CCSER1: variants seen among roughly 807,000 people sequenced by gnomAD.
The protein encoded by CCSER1 is coiled-coil serine rich protein 1.
A neutral mutation model predicts 82.0 loss-of-function variants in CCSER1; 41 were observed. The ratio of observed to expected loss-of-function variants is 0.50; its 90% confidence interval spans 0.39 to 0.65. CCSER1 has a LOEUF of 0.65. Among genes scored for constraint, CCSER1 ranks in the 30% least tolerant of loss-of-function variants. The pLI is 0.00. For missense variants in CCSER1, 1,119 were observed against 1,064.2 expected, an observed-to-expected ratio of 1.05 and a Z score of -0.72; for synonymous variants, 414 against 383.9, an observed-to-expected ratio of 1.08 and a Z score of -0.92.
chr4:91,526,124 G>A (rs1038979141), intron 10 of CCSER1, among the ~76,000 whole-genome samples: 3 of 151,980 alleles, frequency 2.0e-5, no homozygotes, highest in Non-Finnish European at 4.4e-5. Context: ...TAAGAGACAG[G>A]CACCCTTTTA....
intron 5 of CCSER1, among the ~76,000 whole-genome samples, chr4:90,469,922 C>A (rs879763433): frequency 6.6e-6 from 1 of 152,008 alleles, no homozygotes; most frequent in Non-Finnish European, 1.5e-5. Context: ...AGTTGAGCAT[C>A]CTAAATCCAA....
chr4:90,397,159 GA>G (rs945497431), intron 3 of CCSER1, among the ~76,000 whole-genome samples: 4 of 152,148 alleles, frequency 2.6e-5, no homozygotes, highest in Admixed American at 6.5e-5. Flanking sequence ...AATATCAAAG[GA>G]AGGCAATTTA....
chr4:91,553,437 T>A (rs2110230847), intron 10 of CCSER1, among the ~76,000 whole-genome samples: 1 of 151,248 alleles, frequency 6.6e-6, no homozygotes, highest in South Asian at 2.1e-4. Context: ...GCATTCCCTC[T>A]TCTTTAATAT....
chr4:90,474,351 T>C (rs1481778259), intron 5 of CCSER1, among the ~76,000 whole-genome samples: 2 of 151,380 alleles, frequency 1.3e-5, no homozygotes, highest in Non-Finnish European at 2.9e-5. Context: ...TGGATGGGAG[T>C]GTGGAGAAAT....
chr4:90,812,245 C>A (rs923963273), intron 7 of CCSER1, among the ~76,000 whole-genome samples: 7 of 152,048 alleles, frequency 4.6e-5, no homozygotes, highest in Non-Finnish European at 1.0e-4. Context: ...TAGATTGTGC[C>A]CCCCCAGATT....
intron 10 of CCSER1, among the ~76,000 whole-genome samples, chr4:91,567,319 A>T (rs1235456215): frequency 6.6e-6 from 1 of 152,136 alleles, no homozygotes; most frequent in Non-Finnish European, 1.5e-5. Context: ...TTGATTTTAA[A>T]GTATGTGCCA....
intron 10 of CCSER1, among the ~76,000 whole-genome samples, chr4:91,273,978 T>C (rs1459774746): frequency 2.0e-5 from 3 of 152,190 alleles, no homozygotes; most frequent in Non-Finnish European, 4.4e-5. Flanking sequence ...CCAACACAAG[T>C]ATCACTTGGA....
rs565759570 is a variant in CCSER1, at chr4:90,855,213, A to C, written c.2094+39368A>C. Among the ~76,000 whole-genome samples the C allele has an allele frequency of 3.3e-5, 5 of 152,286 alleles. No individual in the cohort carries two copies. In the South Asian group the frequency reaches 1.0e-3, roughly 32 times the overall value. On this transcript the variant is annotated intron_variant, in intron 8 of 10. Transcript: ENST00000509176. ...CCATATGAATGACCAGTCAGAATCC[A>C]AATAGATGACTACATTTGTTTTCAT...
intron 5 of CCSER1, among the ~76,000 whole-genome samples, chr4:90,608,430 C>A (rs752092691): frequency 2.0e-5 from 3 of 152,110 alleles, no homozygotes; most frequent in Non-Finnish European, 4.4e-5. Context: ...TAAGTTATTT[C>A]TAAAAGATTA....
At chr4:90,591,372 G>A (rs1045231590) in intron 5 of CCSER1, among the ~76,000 whole-genome samples, 4 of 151,994 alleles carry the variant, frequency 2.6e-5, no homozygotes, top group African/African-American at 9.7e-5. Flanking sequence ...GACTTTCAAG[G>A]AGAATATGAA....
intron 4 of CCSER1, among the ~76,000 whole-genome samples, chr4:90,422,896 G>A (rs1756921582): frequency 6.6e-6 from 1 of 152,124 alleles, no homozygotes; most frequent in Admixed American, 6.5e-5. Context: ...AAATGACAGG[G>A]TAAACAGGAG....
At chr4:90,639,959 T>C (rs1013796272) in intron 6 of CCSER1, among the ~76,000 whole-genome samples, 1 of 152,230 alleles carries the variant, frequency 6.6e-6, no homozygotes. Context: ...TGTGCCAATA[T>C]TTAATGATTG....
chr4:90,724,028 A>G, intron 7 of CCSER1, 37 bp downstream of exon 7: 1 of 1,247,724 alleles, frequency 8.0e-7, no homozygotes, highest in Non-Finnish European at 1.1e-6. Context: ...TTATAAAAAT[A>G]TTAGGATAGT....
intron 6 of CCSER1, among the ~76,000 whole-genome samples, chr4:90,656,951 T>C (rs906990461): frequency 9.9e-5 from 15 of 152,062 alleles, no homozygotes; most frequent in African/African-American, 3.6e-4. Flanking sequence ...TCTTCAGTTA[T>C]GTATTTAATT....
intron 8 of CCSER1, among the ~76,000 whole-genome samples, chr4:90,863,430 G>C (rs1765337323): frequency 6.6e-6 from 1 of 151,774 alleles, no homozygotes; most frequent in South Asian, 2.1e-4. Context: ...TTTTCAGTCA[G>C]ATGATAGATA....
At chr4:90,908,916 C>T (rs907835412) in intron 8 of CCSER1, among the ~76,000 whole-genome samples, 4 of 152,098 alleles carry the variant, frequency 2.6e-5, no homozygotes, top group South Asian at 2.1e-4. Context: ...CTGTGGCTTC[C>T]GTAACAAAGT....
intron 9 of CCSER1, among the ~76,000 whole-genome samples, chr4:90,938,173 TA>T (rs1731182609): frequency 6.6e-6 from 1 of 152,104 alleles, no homozygotes. Flanking sequence ...GAGACTAAAA[TA>T]TAATAATAAG....
intron 10 of CCSER1, among the ~76,000 whole-genome samples, chr4:91,202,127 A>AT (rs1213723432): frequency 1.3e-5 from 2 of 151,448 alleles, no homozygotes; most frequent in Non-Finnish European, 2.9e-5. Flanking sequence ...GCCTACTTAC[A>AT]TTAATTAGGT....
At chr4:90,564,686 T>TGA (rs34899726) in intron 5 of CCSER1, among the ~76,000 whole-genome samples, 4,049 of 111,234 alleles carry the variant, frequency 0.036, 137 homozygotes, top group African/African-American at 0.12. Context: ...TAATTCATTT[T>TGA]GTTTTTTTTT....
Sources: allele counts gnomAD v4.1 joint callset (sites outside exome capture counted in the v4.1 genomes callset), GRCh38; gene constraint gnomAD v4.1.1; transcripts MANE v1.5; gene names NCBI Gene and HGNC (gene_info 2026-07-23, HGNC 2026-07-21).